The following RBM4B variants were observed in gnomAD, a reference collection of about 807,000 sequenced individuals.
RBM4B encodes the protein RNA-binding protein 4B.
A neutral mutation model predicts 28.5 loss-of-function variants in RBM4B; 13 were observed. That is an observed-to-expected ratio of 0.46 (90% CI 0.30 to 0.72). The LOEUF is 0.72. Among genes scored for constraint, RBM4B ranks in the 30% least tolerant of loss-of-function variants. The pLI, the probability that RBM4B is intolerant of heterozygous loss-of-function variation, is 0.09. For missense variants in RBM4B, 387 were observed against 477.6 expected (o/e 0.81, Z 1.77); for synonymous variants, 167 against 179.1 (o/e 0.93, Z 0.54).
In RBM4B at chr11:66,665,472, T is replaced by C; in HGVS notation, c.*116A>G. The C allele has an allele frequency of 1.2e-6, 1 of 854,242 alleles. No individual in the cohort carries two copies. The allele number at this position is 854,242 out of a possible 1,614,324, so 52.9% of individuals were successfully genotyped here. A position where few individuals can be genotyped will look rare whatever the true frequency, so the allele number is the denominator to read the frequency against. On this transcript the variant is annotated 3_prime_UTR_variant, in exon 4 of 4. Coordinates refer to ENST00000310046, the MANE Select transcript of RBM4B (RefSeq NM_031492.4). ...AACATAGTTGGTCACAAACTCCTTT[T>C]GTTTACTGAAACATGAAGCAATGGA...
intron 3 of RBM4B, chr11:66,666,231 T>C: frequency 1.1e-6 from 1 of 939,830 alleles, no homozygotes; most frequent in Non-Finnish European, 1.4e-6. Flanking sequence ...TGATGGGAAC[T>C]CCAGACACCA....
chr11:66,666,714 A>G (rs553150822), intron 3 of RBM4B: 2 of 152,274 alleles, frequency 1.3e-5, no homozygotes, highest in African/African-American at 4.8e-5. Flanking sequence ...ATCCAGCTGC[A>G]TTAAAAGTAA....
chr11:66,665,746 T>C, intron 3 of RBM4B, 168 bp from the exon 4 acceptor site: 3 of 1,307,878 alleles, frequency 2.3e-6, no homozygotes, highest in Non-Finnish European at 3.1e-6. Context: ...CCTAGGAGTC[T>C]ATCAATAGCT....
Position 66,665,595 on chromosome 11 carries a change from C to T in RBM4B, c.*10-17G>A. The T allele has an allele frequency of 2.0e-6, 3 of 1,535,968 alleles. No individual in the cohort carries two copies. Among genetic ancestry groups the T allele is most frequent in the Non-Finnish European group, 2.6e-6 (3 of 1,146,880 alleles). ...TTATCCTACCTGAAAGAGAGCACAA[C>T]ACAAGAGGCTTACACAATGCCTGGA... On this transcript the variant is annotated splice_polypyrimidine_tract_variant and intron_variant, in intron 3 of 3. Transcript: ENST00000310046.
In RBM4B at chr11:66,671,856, C is replaced by T. The variant is rs549657064; in HGVS notation, c.413-2565G>A. Among the ~76,000 whole-genome samples the T allele has an allele frequency of 2.6e-4, 39 of 152,254 alleles. No homozygotes were observed. The South Asian group carries it at 8.1e-3, about 32-fold the overall frequency. ...CGCGGGTTCAAGCAATTCCCTGCCT[C>T]AGCCTCCCGAGTAGCTGAGATTACA... On this transcript the variant is annotated intron_variant, in intron 2 of 3. Transcript: ENST00000310046.
rs898029946 is a variant in RBM4B, at chr11:66,666,195, C to A, written c.*10-617G>T. On this transcript the variant is annotated intron_variant, in intron 3 of 3. Transcript: ENST00000310046. ...CTTGCCAAATCAAAAGAAATCATTC[C>A]TAGAATTCTCTAATCCTTCTATTGA... 13 of 850,640 alleles carry A rather than the reference C, an allele frequency of 1.5e-5. No individual in the cohort carries two copies. In the African/African-American group the frequency reaches 2.1e-4, roughly 14 times the overall value. 52.7% of individuals were successfully genotyped at this position (850,640 alleles called of 1,614,324 possible).
chr11:66,669,753 G>T (rs1178471689), intron 2 of RBM4B, among the ~76,000 whole-genome samples: 1 of 152,242 alleles, frequency 6.6e-6, no homozygotes, highest in Non-Finnish European at 1.5e-5. Flanking sequence ...GCCAGTAGTT[G>T]AAGTTTAATA....
At position 66,669,112 on chromosome 11, in the gene RBM4B, G is replaced by A. The variant is rs1411291283; in HGVS notation, c.592C>T (p.Arg198Ter). Residue 198 changes from arginine to a stop codon, truncating the protein, a stop_gained, in exon 3 of 4, where the codon CGA becomes TGA. Coordinates refer to ENST00000310046, the MANE Select transcript of RBM4B (RefSeq NM_031492.4). LOFTEE classifies it high-confidence loss of function. Reference sequence around the variant, plus strand: ...CCGTAGCCCATGGTGTAAGGTGTTCGAACTGCTCCATATTGTTCATTATAC... The same window carrying A: ...CCGTAGCCCATGGTGTAAGGTGTTCAAACTGCTCCATATTGTTCATTATAC... ...EQYNEQYGAV[R>*]TPYTMGYGES... 3 of 1,614,094 alleles carry A rather than the reference G, an allele frequency of 1.9e-6. No homozygotes were observed. Among genetic ancestry groups the A allele is most frequent in the African/African-American group, 1.3e-5 (1 of 75,012 alleles).
At chr11:66,672,483 AATTT>A (rs947327285) in intron 2 of RBM4B, among the ~76,000 whole-genome samples, 30 of 146,214 alleles carry the variant, frequency 2.1e-4, no homozygotes, top group Non-Finnish European at 3.3e-4. Flanking sequence ...TTAGCCTTTT[AATTT>A]ATTTTTATTA....
At chr11:66,675,648 G>A (rs1256550808) in intron 2 of RBM4B, 1 of 152,134 alleles carries the variant, frequency 6.6e-6, no homozygotes, top group Non-Finnish European at 1.5e-5. Flanking sequence ...GTTGACTTAG[G>A]AACCACAAAA....
intron 3 of RBM4B, 53 bp from the exon 4 acceptor site, chr11:66,665,631 G>C (rs1679126571): frequency 1.3e-6 from 2 of 1,535,378 alleles, no homozygotes; most frequent in African/African-American, 1.4e-5. Flanking sequence ...GAGCAGCCTG[G>C]CTCCGCGTAC....
rs773247186 is a variant in RBM4B, at chr11:66,668,655, T to C, written c.1049A>G (p.Tyr350Cys). The C allele has an allele frequency of 1.7e-5, 28 of 1,612,250 alleles. No individual in the cohort carries two copies. The highest frequency in any genetic ancestry group is 2.4e-5 in the Non-Finnish European group (28 of 1,178,334). The change falls in exon 3 of 4, where the codon TAT (tyrosine) becomes TGT (cysteine). Residue 350 changes from tyrosine to cysteine, a missense_variant. Coordinates refer to ENST00000310046, the MANE Select transcript of RBM4B (RefSeq NM_031492.4). ...GGCTGAGTACCGGGCTCGGTCCACA[T>C]ACTGCTCCCGTTCATACCGGGCCAT... ...YDMARYEREQ[Y>C]VDRARYSAF
chr11:66,665,459 C>G lies in RBM4B; in HGVS notation c.*129G>C. The G allele has an allele frequency of 1.3e-6, 1 of 785,058 alleles. No individual in the cohort carries two copies. The highest frequency in any genetic ancestry group is 2.1e-6 in the Non-Finnish European group (1 of 471,500). The allele number at this position is 785,058 out of a possible 1,614,324, so 48.6% of individuals were successfully genotyped here. ...AATTAAGAAAGAAAACATAGTTGGT[C>G]ACAAACTCCTTTTGTTTACTGAAAC... On this transcript the variant is annotated 3_prime_UTR_variant, in exon 4 of 4. Transcript: ENST00000310046.
chr11:66,673,608 G>A (rs1280292697), intron 2 of RBM4B, among the ~76,000 whole-genome samples: 1 of 152,144 alleles, frequency 6.6e-6, no homozygotes, highest in African/African-American at 2.4e-5. Flanking sequence ...ACAGGTGTGT[G>A]CCACCATACC....
chr11:66,668,605 C>T lies in RBM4B; in HGVS notation c.*9+10G>A. On this transcript the variant is annotated intron_variant, in intron 3 of 3. Transcript: ENST00000310046. ...ATGGAATCTTTTAACCATTCCCACC[C>T]ATCTCTCACCTCCAGTTTTTAAAAG... The T allele has an allele frequency of 1.3e-6, 2 of 1,581,478 alleles. No homozygotes were observed. The highest frequency in any genetic ancestry group is 8.6e-7 in the Non-Finnish European group (1 of 1,157,500).
intron 3 of RBM4B, chr11:66,666,942 C>G (rs1323290525): frequency 3.3e-5 from 5 of 151,122 alleles, no homozygotes; most frequent in Admixed American, 6.6e-5. Flanking sequence ...GAGAGAGGAG[C>G]CACTCTTGCC....
intron 2 of RBM4B, among the ~76,000 whole-genome samples, chr11:66,673,200 C>A (rs573833643): frequency 5.4e-4 from 82 of 151,414 alleles, no homozygotes; most frequent in African/African-American, 1.8e-3. Context: ...AAAAAAGACA[C>A]CTGAACTCTC....
intron 3 of RBM4B, 160 bp from the exon 4 acceptor site, chr11:66,665,738 T>C (rs1939205191): frequency 7.5e-7 from 1 of 1,334,190 alleles, no homozygotes; most frequent in Non-Finnish European, 1.0e-6. Flanking sequence ...TGTAATTACC[T>C]AGGAGTCTAT....
rs1939662877 is a variant in RBM4B, at chr11:66,677,068, C to T, written c.12G>A (p.Leu4=). ...CCTCCCGGGGAAGGTTTCCGATGAACAGCTTCACCATCCTGACAAGAGCCT... is the reference window on the plus strand; with the variant it reads ...CCTCCCGGGGAAGGTTTCCGATGAATAGCTTCACCATCCTGACAAGAGCCT... The part of the protein sequence containing the change: MVK[L]FIGNLPREAT... Residue 4 remains leucine, a synonymous_variant, in exon 2 of 4, where the codon CTG becomes CTA. Transcript: ENST00000310046. 1.2e-6 allele frequency: 2 copies of T among 1,613,596 alleles called. No individual in the cohort carries two copies. The highest frequency in any genetic ancestry group is 1.7e-6 in the Non-Finnish European group (2 of 1,179,544).
Sources: gnomAD v4.1 joint callset for allele counts (sites outside exome capture counted in the v4.1 genomes callset) on GRCh38, gnomAD v4.1.1 for gene constraint, MANE v1.5 for transcripts, NCBI Gene and HGNC (gene_info 2026-07-23, HGNC 2026-07-21) for gene names.